SV2B: variants seen among roughly 807,000 people sequenced by gnomAD.
The protein encoded by SV2B is solute carrier family 22 member B2.
A neutral mutation model predicts 73.9 loss-of-function variants in SV2B; 41 were observed. The observed-to-expected ratio is 0.56, with a 90% CI of 0.43 to 0.72. The LOEUF (loss-of-function observed/expected upper bound fraction) is 0.72, where lower values mean the gene tolerates loss of function less well. SV2B is among the 30% of genes least tolerant of loss of function. SV2B has a pLI of 0.00. For synonymous variants in SV2B, 314 were observed against 314.2 expected (o/e 1.00, Z 0.01); for missense variants, 764 against 857.8 (o/e 0.89, Z 1.37).
At chr15:91,174,542 C>T (rs2012503) in intron 1 of SV2B, among the ~76,000 whole-genome samples, 40,544 of 152,044 alleles carry the variant, frequency 0.27, 6,016 homozygotes, top group African/African-American at 0.38. Context: ...CACTGTCCCA[C>T]CCTACCTTCC....
intron 1 of SV2B, among the ~76,000 whole-genome samples, chr15:91,217,826 G>A: frequency 6.6e-6 from 1 of 152,250 alleles, no homozygotes; most frequent in Admixed American, 6.5e-5. Context: ...ACCCCAGAAG[G>A]TGAGTGACTT....
intron 1 of SV2B, among the ~76,000 whole-genome samples, chr15:91,143,596 A>G (rs1279589737): frequency 1.3e-5 from 2 of 152,210 alleles, no homozygotes; most frequent in African/African-American, 2.4e-5. Flanking sequence ...GTAATTCTCG[A>G]TCGCCGAAAG....
intron 4 of SV2B, among the ~76,000 whole-genome samples, chr15:91,257,518 T>A (rs967661326): frequency 2.6e-5 from 4 of 152,214 alleles, no homozygotes; most frequent in African/African-American, 9.7e-5. Context: ...AGGAGCTAGT[T>A]ATCTTCCCAT....
intron 1 of SV2B, among the ~76,000 whole-genome samples, chr15:91,218,892 T>A (rs1206243234): frequency 1.3e-5 from 2 of 152,134 alleles, no homozygotes; most frequent in African/African-American, 4.8e-5. Flanking sequence ...AAGGGGACCA[T>A]CTTTTGTTAT....
chr15:91,213,744 T>C (rs1018892427), intron 1 of SV2B, among the ~76,000 whole-genome samples: 13 of 152,234 alleles, frequency 8.5e-5, no homozygotes, highest in Admixed American at 7.8e-4. Flanking sequence ...CCTATAAATA[T>C]AGGGTTACTA....
intron 9 of SV2B, among the ~76,000 whole-genome samples, chr15:91,277,080 C>G (rs2048519545): frequency 6.6e-6 from 1 of 152,098 alleles, no homozygotes; most frequent in African/African-American, 2.4e-5. Flanking sequence ...CCTTGGCCTC[C>G]CAACTGAGTA....
rs952510993 is a variant in SV2B, at chr15:91,128,226, C to T, written c.-392+27863C>T. Among the ~76,000 whole-genome samples the T allele has an allele frequency of 6.6e-6, 1 of 152,152 alleles. No homozygotes were observed. Among genetic ancestry groups the T allele is most frequent in the Non-Finnish European group, 1.5e-5 (1 of 68,032 alleles). On this transcript the variant is annotated intron_variant, in intron 1 of 12. Transcript: ENST00000394232. This position sits in a 1 kb window ranked among gnomAD's most constrained non-coding sequence, Gnocchi z 4.2. ...CCTGGGAGCTGTTTTCACCCTCTTC[C>T]ACCAGTGAGTCATCCGCAGAGGCTG...
At position 91,124,400 on chromosome 15, in the gene SV2B, G is replaced by A. The variant is rs1400159541; in HGVS notation, c.-392+24037G>A. 6.6e-6 allele frequency among the ~76,000 whole-genome samples: 1 copy of A among 152,130 alleles called. No homozygotes were observed. On this transcript the variant is annotated intron_variant, in intron 1 of 12. Transcript: ENST00000394232. The surrounding 1 kb of genome is among the most constrained non-coding windows in gnomAD (Gnocchi z 4.6). ...CTCAGGAAGTGAGACACCTGCAACCGAGTGTGAGGTGCAGCAGCCAAGAGC... is the reference window on the plus strand; with the variant it reads ...CTCAGGAAGTGAGACACCTGCAACCAAGTGTGAGGTGCAGCAGCCAAGAGC...
At chr15:91,230,257 AAAAAG>A (rs769401075) in intron 2 of SV2B, among the ~76,000 whole-genome samples, 1,780 of 151,656 alleles carry the variant, frequency 0.012, 43 homozygotes, top group East Asian at 0.11. Context: ...AAAAAAAAAA[AAAAAG>A]AAAAGAAAAG....
At chr15:91,213,684 G>A (rs902682779) in intron 1 of SV2B, among the ~76,000 whole-genome samples, 4 of 151,666 alleles carry the variant, frequency 2.6e-5, no homozygotes, top group African/African-American at 9.7e-5. Context: ...AAAAATTCAG[G>A]TCATTTTTAC....
intron 1 of SV2B, among the ~76,000 whole-genome samples, chr15:91,215,859 A>G (rs2046008081): frequency 6.6e-6 from 1 of 152,194 alleles, no homozygotes; most frequent in African/African-American, 2.4e-5. Flanking sequence ...ATTGTTCTGC[A>G]TTTGTATTTA....
chr15:91,253,352 C>G lies in SV2B; in HGVS notation c.784+832C>G, dbSNP rs2047563658. Among the ~76,000 whole-genome samples, 1 of 152,206 alleles carries G rather than the reference C, an allele frequency of 6.6e-6. No individual in the cohort carries two copies. The highest frequency in any genetic ancestry group is 2.1e-4 in the South Asian group (1 of 4,826). ...AGCAGACAGCTGCCCCTGAAGCTGACTGATAGTTTACCACCTATTTATTGT... is the reference window on the plus strand; with the variant it reads ...AGCAGACAGCTGCCCCTGAAGCTGAGTGATAGTTTACCACCTATTTATTGT... On this transcript the variant is annotated intron_variant, in intron 4 of 12. Coordinates refer to ENST00000394232, the MANE Select transcript of SV2B (RefSeq NM_001323032.3). This position sits in a 1 kb window ranked among gnomAD's most constrained non-coding sequence, Gnocchi z 5.0.
Position 91,290,517 on chromosome 15 carries a change from T to C in SV2B, c.1868+837T>C, listed in dbSNP as rs2049005346. On this transcript the variant is annotated intron_variant, in intron 12 of 12. Transcript: ENST00000394232. The surrounding 1 kb of genome is among the most constrained non-coding windows in gnomAD (Gnocchi z 4.7). ...TAGGAATCCTAAGAGAATTAACTTA[T>C]GAGACCACTATAGACAAAAAGACAA... 6.6e-6 allele frequency among the ~76,000 whole-genome samples: 1 copy of C among 152,170 alleles called. No individual in the cohort carries two copies. Among genetic ancestry groups the C allele is most frequent in the Non-Finnish European group, 1.5e-5 (1 of 68,014 alleles).
intron 1 of SV2B, among the ~76,000 whole-genome samples, chr15:91,172,870 CTAT>C (rs2044171958): frequency 1.3e-5 from 2 of 151,860 alleles, no homozygotes; most frequent in African/African-American, 4.8e-5. Context: ...ATAAATATTG[CTAT>C]TATTGTTCTT....
intron 1 of SV2B, among the ~76,000 whole-genome samples, chr15:91,177,436 T>C (rs2044358695): frequency 6.6e-6 from 1 of 151,816 alleles, no homozygotes; most frequent in South Asian, 2.1e-4. Context: ...AAGAAAGTCA[T>C]TGGTAGCTTG....
chr15:91,275,039 G>A (rs2048439232), intron 9 of SV2B, among the ~76,000 whole-genome samples: 1 of 151,944 alleles, frequency 6.6e-6, no homozygotes, highest in Non-Finnish European at 1.5e-5. Flanking sequence ...TGAATTTCTT[G>A]TAATTAATAT....
chr15:91,173,842 C>G (rs373813356), intron 1 of SV2B, among the ~76,000 whole-genome samples: 1 of 152,154 alleles, frequency 6.6e-6, no homozygotes, highest in East Asian at 1.9e-4. Flanking sequence ...GCTCTCAGAT[C>G]TTGTCATCCT....
Position 91,236,207 on chromosome 15 carries a change from C to T in SV2B, c.451+9493C>T, listed in dbSNP as rs748444895. 2.0e-5 allele frequency among the ~76,000 whole-genome samples: 3 copies of T among 152,174 alleles called. No individual in the cohort carries two copies. The highest frequency in any genetic ancestry group is 4.4e-5 in the Non-Finnish European group (3 of 68,022). On this transcript the variant is annotated intron_variant, in intron 2 of 12. Coordinates refer to ENST00000394232, the MANE Select transcript of SV2B (RefSeq NM_001323032.3). The surrounding 1 kb of genome is among the most constrained non-coding windows in gnomAD (Gnocchi z 4.1). The stretch of plus-strand genomic sequence containing the variant: ...AAGACTTTAATGAGTTGTTTTTCCT[C>T]CACAGTTAAGTGCACCCTTCTGGAA...
chr15:91,170,252 G>A (rs944834333), intron 1 of SV2B, among the ~76,000 whole-genome samples: 1 of 151,984 alleles, frequency 6.6e-6, no homozygotes, highest in African/African-American at 2.4e-5. Context: ...GATTACCTCC[G>A]CAGTCTTATT....
Sources: allele counts gnomAD v4.1 joint callset (sites outside exome capture counted in the v4.1 genomes callset), GRCh38; gene constraint gnomAD v4.1.1; non-coding constraint Gnocchi (gnomAD v3.1); transcripts MANE v1.5; gene names NCBI Gene and HGNC (gene_info 2026-07-23, HGNC 2026-07-21).